Variants in SLC39A11 observed in about 807,000 individuals in gnomAD.
SLC39A11 encodes the protein solute carrier family 39 member 11.
Under a neutral mutation model 36.1 loss-of-function variants are expected in SLC39A11, and 33 were observed. That is an observed-to-expected ratio of 0.91 (90% CI 0.69 to 1.22). SLC39A11 has a LOEUF of 1.22. SLC39A11 is among the 50% of genes most tolerant of loss of function. The pLI is 0.00. For missense variants in SLC39A11, 432 were observed against 430.3 expected (o/e 1.00, Z -0.03); for synonymous variants, 166 against 170.3 (o/e 0.97, Z 0.20).
intron 5 of SLC39A11, among the ~76,000 whole-genome samples, chr17:72,903,448 C>G (rs1010248949): frequency 6.6e-6 from 1 of 152,104 alleles, no homozygotes; most frequent in Non-Finnish European, 1.5e-5. Flanking sequence ...GACCCCGATT[C>G]AGACATAAGA....
At chr17:72,680,003 C>T (rs976032203) in intron 7 of SLC39A11, among the ~76,000 whole-genome samples, 18 of 128,800 alleles carry the variant, frequency 1.4e-4, no homozygotes, top group Non-Finnish European at 6.1e-5. Context: ...GATCGAGCTA[C>T]TGCACTCCAG....
At chr17:73,076,940 C>T (rs911979728) in intron 3 of SLC39A11, among the ~76,000 whole-genome samples, 3 of 151,782 alleles carry the variant, frequency 2.0e-5, no homozygotes, top group Non-Finnish European at 4.4e-5. Context: ...TGTGATGCCT[C>T]GTGCCCTGTG....
intron 4 of SLC39A11, among the ~76,000 whole-genome samples, chr17:72,976,169 C>CAAAA (rs71154939): frequency 8.8e-5 from 6 of 68,348 alleles, no homozygotes; most frequent in Admixed American, 2.2e-4. Context: ...GACTCCATCT[C>CAAAA]AAAAAAAAAA....
At chr17:73,000,654 T>C (rs894373796) in intron 4 of SLC39A11, among the ~76,000 whole-genome samples, 1 of 152,202 alleles carries the variant, frequency 6.6e-6, no homozygotes, top group Non-Finnish European at 1.5e-5. Flanking sequence ...AGGGTCAGTC[T>C]CTGTTGCTTG....
chr17:72,852,287 T>C (rs948825280), intron 5 of SLC39A11, among the ~76,000 whole-genome samples: 1 of 149,304 alleles, frequency 6.7e-6, no homozygotes. Flanking sequence ...CAAGTACAGA[T>C]TGAAAAGTAA....
intron 3 of SLC39A11, among the ~76,000 whole-genome samples, chr17:73,038,623 C>T (rs953989508): frequency 1.3e-5 from 2 of 151,556 alleles, no homozygotes; most frequent in Non-Finnish European, 2.9e-5. Flanking sequence ...AGGAGAATCA[C>T]TTGAACCCAG....
chr17:72,813,325 C>T (rs921732846), intron 6 of SLC39A11, among the ~76,000 whole-genome samples: 5 of 152,106 alleles, frequency 3.3e-5, no homozygotes, highest in Admixed American at 6.6e-5. Context: ...GTAATAAAAC[C>T]GAATTTGTTT....
intron 7 of SLC39A11, among the ~76,000 whole-genome samples, chr17:72,659,750 T>TTTTTA (rs1362852089): frequency 1.3e-5 from 2 of 151,834 alleles, no homozygotes; most frequent in Non-Finnish European, 2.9e-5. Flanking sequence ...GCCTGGCTAA[T>TTTTTA]TTTTATTTTA....
chr17:73,028,475 T>G (rs76963034), intron 4 of SLC39A11, among the ~76,000 whole-genome samples: 4,314 of 152,286 alleles, frequency 0.028, 91 homozygotes, highest in Non-Finnish European at 0.04. Flanking sequence ...CACAACTCTT[T>G]CAACAACATT....
At chr17:72,670,418 T>C (rs1051718197) in intron 7 of SLC39A11, among the ~76,000 whole-genome samples, 1 of 152,056 alleles carries the variant, frequency 6.6e-6, no homozygotes, top group African/African-American at 2.4e-5. Flanking sequence ...AATTTTCTCA[T>C]AGTAATCTTA....
intron 5 of SLC39A11, among the ~76,000 whole-genome samples, chr17:72,869,935 T>C (rs1598200772): frequency 1.3e-5 from 2 of 152,058 alleles, no homozygotes; most frequent in African/African-American, 4.8e-5. Context: ...AGAAAAAAAA[T>C]ATTATAATAC....
intron 4 of SLC39A11, among the ~76,000 whole-genome samples, chr17:73,007,144 C>T (rs115441808): frequency 0.027 from 4,125 of 152,182 alleles, 122 homozygotes; most frequent in African/African-American, 0.066. Flanking sequence ...GACACAGGGC[C>T]GGGCGCAGTG....
intron 4 of SLC39A11, among the ~76,000 whole-genome samples, chr17:73,000,007 G>A (rs143821072): frequency 1.1e-3 from 162 of 152,264 alleles, no homozygotes; most frequent in African/African-American, 3.0e-3. Context: ...CTCCCAAAGT[G>A]CTGGGATTAC....
intron 6 of SLC39A11, among the ~76,000 whole-genome samples, chr17:72,843,194 T>C (rs2078897164): frequency 6.6e-6 from 1 of 152,144 alleles, no homozygotes; most frequent in Non-Finnish European, 1.5e-5. Context: ...GTGATCTGCC[T>C]GCCTCAGCCT....
chr17:72,753,889 C>CAAAAAAA (rs35076559), intron 6 of SLC39A11, among the ~76,000 whole-genome samples: 13 of 51,878 alleles, frequency 2.5e-4, no homozygotes, highest in Admixed American at 3.0e-4. Flanking sequence ...AGTCATTATA[C>CAAAAAAA]AAAAAAAAAA....
At chr17:72,777,620 G>A (rs2076177791) in intron 6 of SLC39A11, among the ~76,000 whole-genome samples, 1 of 152,100 alleles carries the variant, frequency 6.6e-6, no homozygotes, top group Non-Finnish European at 1.5e-5. Flanking sequence ...GTAACTCTAG[G>A]AAACTAGGAG....
chr17:73,045,977 G>C (rs115759198), intron 3 of SLC39A11, among the ~76,000 whole-genome samples: 1 of 152,130 alleles, frequency 6.6e-6, no homozygotes, highest in Non-Finnish European at 1.5e-5. Context: ...CCCAACCCCA[G>C]CATCACCACT....
At chr17:73,070,921 G>A (rs60689948) in intron 3 of SLC39A11, among the ~76,000 whole-genome samples, 18,740 of 152,048 alleles carry the variant, frequency 0.12, 1,197 homozygotes, top group Non-Finnish European at 0.14. Flanking sequence ...CCAGTCTCCC[G>A]TATGTCTTTA....
At chr17:72,770,351 T>C (rs538839419) in intron 6 of SLC39A11, among the ~76,000 whole-genome samples, 2 of 151,960 alleles carry the variant, frequency 1.3e-5, no homozygotes, top group East Asian at 3.9e-4. Flanking sequence ...GGAGGTAGAG[T>C]TTCAGTTTGG....
Sources: gnomAD v4.1 joint callset for allele counts (sites outside exome capture counted in the v4.1 genomes callset) on GRCh38, gnomAD v4.1.1 for gene constraint, MANE v1.5 for transcripts, NCBI Gene and HGNC (gene_info 2026-07-23, HGNC 2026-07-21) for gene names.